SLC6A2: variants seen among roughly 807,000 people sequenced by gnomAD.
The protein encoded by SLC6A2 is solute carrier family 6 member 2.
A neutral mutation model predicts 71.7 loss-of-function variants in SLC6A2; 26 were observed. The ratio of observed to expected loss-of-function variants is 0.36; its 90% confidence interval spans 0.27 to 0.50. The LOEUF (loss-of-function observed/expected upper bound fraction) is 0.50, where lower values mean the gene tolerates loss of function less well. Ranked by LOEUF, SLC6A2 falls within the 20% of genes least tolerant of loss-of-function variation. The probability of loss-of-function intolerance (pLI) is 0.96; values close to 1 mark genes in which losing one functional copy is unlikely to be tolerated. For missense variants in SLC6A2, 581 were observed against 803.9 expected, an observed-to-expected ratio of 0.72 and a Z score of 3.35; for synonymous variants, 363 against 337.9, an observed-to-expected ratio of 1.07 and a Z score of -0.82.
intron 14 of SLC6A2, 73 bp downstream of exon 14, chr16:55,702,007 C>A: frequency 1.8e-6 from 2 of 1,124,056 alleles, no homozygotes; most frequent in South Asian, 1.2e-5. Flanking sequence ...GTGCACTGCC[C>A]AAGGCTAGAC....
At chr16:55,700,380 GT>G in intron 13 of SLC6A2, 74 bp downstream of exon 13, 1 of 1,335,368 alleles carries the variant, frequency 7.5e-7, no homozygotes, top group African/African-American at 1.5e-5. Flanking sequence ...TCTCATTCCT[GT>G]TGGGGTGGGG....
In SLC6A2 at chr16:55,704,178, G is replaced by C. The variant is rs1279840954; in HGVS notation, c.*1832G>C. On this transcript the variant is annotated 3_prime_UTR_variant, in exon 15 of 15. Coordinates refer to ENST00000568943, the MANE Select transcript of SLC6A2 (RefSeq NM_001172501.3). Reference sequence around the variant, plus strand: ...TCGTTTTTTGTTTTTGTTTTTGTTTGTTTGTTTGTTTGTTTGTAATAAAGC... The same window carrying C: ...TCGTTTTTTGTTTTTGTTTTTGTTTCTTTGTTTGTTTGTTTGTAATAAAGC... 1 of 140,330 alleles carries C rather than the reference G, an allele frequency of 7.1e-6. No homozygotes were observed. The highest frequency in any genetic ancestry group is 3.3e-5 in the African/African-American group (1 of 30,374). 8.7% of individuals were successfully genotyped at this position (140,330 alleles called of 1,614,324 possible). A position where few individuals can be genotyped will look rare whatever the true frequency, so the allele number is the denominator to read the frequency against.
chr16:55,700,333 C>A, intron 13 of SLC6A2, 27 bp downstream of exon 13: 2 of 1,595,504 alleles, frequency 1.3e-6, no homozygotes, highest in Non-Finnish European at 1.7e-6. Context: ...CCCAGGGGAA[C>A]AGGGTGGGAG....
At chr16:55,671,466 C>G (rs1159841758) in intron 3 of SLC6A2, among the ~76,000 whole-genome samples, 13 of 152,166 alleles carry the variant, frequency 8.5e-5, no homozygotes, top group African/African-American at 3.1e-4. Flanking sequence ...CCTCAATCCC[C>G]GGGCCACGGA....
intron 12 of SLC6A2, 47 bp from the exon 13 acceptor site, chr16:55,700,092 C>G (rs776098755): frequency 1.3e-6 from 2 of 1,545,114 alleles, no homozygotes; most frequent in South Asian, 1.1e-5. Flanking sequence ...TTTCTTGTCT[C>G]TCTTCTGTCC....
chr16:55,698,055 G>A (rs1043625179), intron 10 of SLC6A2, 30 bp downstream of exon 10: 2 of 1,611,622 alleles, frequency 1.2e-6, no homozygotes, highest in African/African-American at 2.7e-5. Context: ...TGGGTCACCT[G>A]GGGGCCTCTG....
intron 13 of SLC6A2, among the ~76,000 whole-genome samples, chr16:55,701,284 C>T (rs747256190): frequency 1.6e-4 from 24 of 152,122 alleles, no homozygotes; most frequent in South Asian, 2.1e-4. Context: ...AGTCTGGTTC[C>T]GGGTCACTGG....
intron 6 of SLC6A2, 33 bp from the exon 7 acceptor site, chr16:55,693,977 C>A (rs1057016164): frequency 7.2e-7 from 1 of 1,391,826 alleles, no homozygotes; most frequent in Non-Finnish European, 1.0e-6. Context: ...TTGTAGGAAG[C>A]AGAGGCTGAT....
In SLC6A2 at chr16:55,685,017, G is replaced by A. The variant is rs528975789; in HGVS notation, c.645-126G>A. ...GCATGGCAGTGGCTAGGGTCCCTGA[G>A]TTAGGGGAGAGTGGCCAGGTCCTGT... is the stretch of plus-strand genomic sequence containing the variant. On this transcript the variant is annotated intron_variant, in intron 4 of 14. Coordinates refer to ENST00000568943, the MANE Select transcript of SLC6A2 (RefSeq NM_001172501.3). The A allele has an allele frequency of 7.9e-5, 73 of 925,084 alleles. No individual in the cohort carries two copies. The African/African-American group carries it at 1.1e-3, about 14-fold the overall frequency. 57.3% of individuals were successfully genotyped at this position (925,084 alleles called of 1,614,324 possible). A position where few individuals can be genotyped will look rare whatever the true frequency, so the allele number is the denominator to read the frequency against.
intron 9 of SLC6A2, 22 bp from the exon 10 acceptor site, chr16:55,697,875 C>T: frequency 6.2e-7 from 1 of 1,613,632 alleles, no homozygotes; most frequent in Non-Finnish European, 8.5e-7. Context: ...TCCTGCACCC[C>T]ACCCCTCCTG....
intron 4 of SLC6A2, 51 bp downstream of exon 4, chr16:55,672,226 G>C (rs1964945031): frequency 1.9e-6 from 3 of 1,613,908 alleles, no homozygotes; most frequent in Admixed American, 1.7e-5. Flanking sequence ...TGCTTGGTAT[G>C]ACCTGAGCCA....
rs1964444947 is a variant in SLC6A2, at chr16:55,656,292, G to T, written c.-52+123G>T. ...GTTAAGTGTCCGAGAAGGCTCCTGTGGCTGTTGAAGTGTCGCGGACCTGAG... is the reference window on the plus strand; with the variant it reads ...GTTAAGTGTCCGAGAAGGCTCCTGTTGCTGTTGAAGTGTCGCGGACCTGAG... On this transcript the variant is annotated intron_variant, in intron 1 of 14. Coordinates refer to ENST00000568943, the MANE Select transcript of SLC6A2 (RefSeq NM_001172501.3). This position sits in a 1 kb window ranked among gnomAD's most constrained non-coding sequence, Gnocchi z 4.5. The T allele has an allele frequency of 1.5e-5, 5 of 335,592 alleles. No individual in the cohort carries two copies. The highest frequency in any genetic ancestry group is 2.8e-5 in the Non-Finnish European group (5 of 176,264). The allele number at this position is 335,592 out of a possible 1,614,324, so 20.8% of individuals were successfully genotyped here.
intron 5 of SLC6A2, among the ~76,000 whole-genome samples, chr16:55,686,929 C>A (rs1017826992): frequency 2.0e-5 from 3 of 152,226 alleles, no homozygotes; most frequent in Non-Finnish European, 2.9e-5. Context: ...TGGGGAACTT[C>A]ATTAAGTATT....
At position 55,706,027 on chromosome 16, in the gene SLC6A2, T is replaced by C. The variant is rs1966092360; in HGVS notation, c.*3681T>C. The C allele has an allele frequency of 1.3e-5, 2 of 152,282 alleles. No individual in the cohort carries two copies. Among genetic ancestry groups the C allele is most frequent in the Non-Finnish European group, 2.9e-5 (2 of 68,076 alleles). The allele number at this position is 152,282 out of a possible 1,614,324, so 9.4% of individuals were successfully genotyped here. A position where few individuals can be genotyped will look rare whatever the true frequency, so the allele number is the denominator to read the frequency against. Reference sequence around the variant, plus strand: ...TGGGGTGCCTGCCCTCATCCCTCTGTCTCTCTGCTTCCGTGTAAATAAAGA... The same window carrying C: ...TGGGGTGCCTGCCCTCATCCCTCTGCCTCTCTGCTTCCGTGTAAATAAAGA... On this transcript the variant is annotated 3_prime_UTR_variant, in exon 15 of 15. Coordinates refer to ENST00000568943, the MANE Select transcript of SLC6A2 (RefSeq NM_001172501.3).
At chr16:55,694,308 G>T (rs1965727669) in intron 7 of SLC6A2, among the ~76,000 whole-genome samples, 195 bp downstream of exon 7, 1 of 152,180 alleles carries the variant, frequency 6.6e-6, no homozygotes. Flanking sequence ...ATTTCAGGAT[G>T]CCTCTTAAAC....
At chr16:55,686,250 G>A (rs1385980968) in intron 5 of SLC6A2, among the ~76,000 whole-genome samples, 1 of 152,180 alleles carries the variant, frequency 6.6e-6, no homozygotes, top group Non-Finnish European at 1.5e-5. Flanking sequence ...CACATTGCTA[G>A]CATTTGGCAC....
chr16:55,692,381 C>T (rs1311160405), intron 6 of SLC6A2, among the ~76,000 whole-genome samples: 2 of 152,176 alleles, frequency 1.3e-5, no homozygotes, highest in Non-Finnish European at 2.9e-5. Context: ...CCACAGCTCC[C>T]TAGTCCACCC....
At position 55,656,745 on chromosome 16, in the gene SLC6A2, G is replaced by T. The variant is rs766242582; in HGVS notation, c.51G>T (p.Ala17=). The T allele has an allele frequency of 6.2e-7, 1 of 1,613,056 alleles. No homozygotes were observed. Among genetic ancestry groups the T allele is most frequent in the Non-Finnish European group, 8.5e-7 (1 of 1,179,904 alleles). ...NPQVQPENNG[A]DTGPEQPLRA... The stretch of plus-strand genomic sequence containing the variant: ...AGGTGCAGCCCGAGAACAACGGGGC[G>T]GACACGGGTCCAGAGCAGCCCCTTC... The change falls in exon 2 of 15, where the codon GCG becomes GCT. Residue 17 remains alanine (A), a synonymous_variant. Transcript: ENST00000568943. The surrounding 1 kb of genome is among the most constrained non-coding windows in gnomAD (Gnocchi z 4.5).
Position 55,703,703 on chromosome 16 carries a change from G to A in SLC6A2, c.*1357G>A, listed in dbSNP as rs967969833. ...TATGGTTAGAGTCTCTTACACCCTT[G>A]TTGGAGGGATTCTTATTCTGACTGT... On this transcript the variant is annotated 3_prime_UTR_variant, in exon 15 of 15. Transcript: ENST00000568943. 11 of 985,262 alleles carry A rather than the reference G, an allele frequency of 1.1e-5. No homozygotes were observed. In the East Asian group the frequency reaches 1.1e-3, roughly 102 times the overall value. 61.0% of individuals were successfully genotyped at this position (985,262 alleles called of 1,614,324 possible). A position where few individuals can be genotyped will look rare whatever the true frequency, so the allele number is the denominator to read the frequency against.
Sources: allele counts gnomAD v4.1 joint callset (sites outside exome capture counted in the v4.1 genomes callset), GRCh38; gene constraint gnomAD v4.1.1; non-coding constraint Gnocchi (gnomAD v3.1); transcripts MANE v1.5; gene names NCBI Gene and HGNC (gene_info 2026-07-23, HGNC 2026-07-21).